Variants in CYRIB observed in about 807,000 individuals in gnomAD.
CYRIB encodes CYFIP related Rac1 interactor B, also known as CYFIP-related Rac1 interactor B.
A neutral mutation model predicts 44.2 loss-of-function variants in CYRIB; 8 were observed. The observed-to-expected ratio is 0.18, with a 90% CI of 0.11 to 0.33. CYRIB has a LOEUF of 0.33. Among genes scored for constraint, CYRIB ranks in the 10% least tolerant of loss-of-function variants. The pLI is 1.00. For synonymous variants in CYRIB, 131 were observed against 127.2 expected (o/e 1.03, Z -0.20); for missense variants, 185 against 382.8 (o/e 0.48, Z 4.31).
At chr8:130,003,658 A>T (rs1448193843) in intron 1 of CYRIB, among the ~76,000 whole-genome samples, 1 of 152,234 alleles carries the variant, frequency 6.6e-6, no homozygotes, top group Non-Finnish European at 1.5e-5. Context: ...TTTGGGGATG[A>T]TCAGGGAAAA....
chr8:129,932,104 T>C (rs565518640), intron 1 of CYRIB, among the ~76,000 whole-genome samples: 1 of 151,430 alleles, frequency 6.6e-6, no homozygotes. Flanking sequence ...GTTCAAGCGA[T>C]TCTCCTGCCT....
rs376451055 is a variant in CYRIB, at chr8:129,901,969, C to T, written c.-11+1343G>A. Among the ~76,000 whole-genome samples the T allele has an allele frequency of 7.9e-5, 12 of 152,270 alleles. No individual in the cohort carries two copies. In the East Asian group the frequency reaches 1.2e-3, roughly 15 times the overall value. ...ATTTGTTAATGGCTTTTCAATGTAA[C>T]GTTTCCTTCTTAATCCTATGTAGTT... On this transcript the variant is annotated intron_variant, in intron 2 of 11. Transcript: ENST00000519824.
chr8:129,889,131 T>A (rs879443475), intron 2 of CYRIB, among the ~76,000 whole-genome samples: 2 of 152,078 alleles, frequency 1.3e-5, no homozygotes, highest in Non-Finnish European at 2.9e-5. Context: ...TTAAGAATTA[T>A]ACTACATCCA....
rs150457627 is a variant in CYRIB, at chr8:129,921,695, G to T, written c.-50+17913C>A. Among the ~76,000 whole-genome samples the T allele has an allele frequency of 3.4e-3, 516 of 152,262 alleles. 2 individuals are homozygous for T. The highest frequency in any genetic ancestry group is 0.012 in the African/African-American group (482 of 41,530). On this transcript the variant is annotated intron_variant, in intron 1 of 11. Transcript: ENST00000519824. ...ATGTGACAGACATTATATGCCTGAT[G>T]ATGTAATGCAATGGGATGTATTCAA...
At chr8:129,895,029 C>G (rs2067254615) in intron 2 of CYRIB, among the ~76,000 whole-genome samples, 1 of 148,692 alleles carries the variant, frequency 6.7e-6, no homozygotes, top group Admixed American at 6.8e-5. Context: ...CCTCAACCAC[C>G]CTGGCTCAAT....
chr8:129,978,309 A>C (rs1227547916), intron 1 of CYRIB, among the ~76,000 whole-genome samples: 17 of 152,214 alleles, frequency 1.1e-4, no homozygotes, highest in Non-Finnish European at 1.5e-5. Context: ...TTTTCATTTA[A>C]TATTCGATCA....
At chr8:129,871,113 A>T (rs763517203) in intron 4 of CYRIB, among the ~76,000 whole-genome samples, 15 of 152,188 alleles carry the variant, frequency 9.9e-5, no homozygotes, top group Admixed American at 6.5e-5. Flanking sequence ...GCACCACATA[A>T]ATACTGCAAA....
At chr8:129,954,296 C>A (rs1321793239) in intron 2 of CYRIB, among the ~76,000 whole-genome samples, 1 of 152,102 alleles carries the variant, frequency 6.6e-6, no homozygotes, top group Non-Finnish European at 1.5e-5. Flanking sequence ...CATCTTAGCT[C>A]ACTGCAACTT....
At chr8:129,843,263 G>A (rs1401364033) in intron 11 of CYRIB, among the ~76,000 whole-genome samples, 1 of 152,238 alleles carries the variant, frequency 6.6e-6, no homozygotes, top group African/African-American at 2.4e-5. Flanking sequence ...TAAGGAGTTT[G>A]GAGATTATTT....
At chr8:129,930,365 T>TATATATATATA (rs2090532178) in intron 1 of CYRIB, among the ~76,000 whole-genome samples, 10 of 50,436 alleles carry the variant, frequency 2.0e-4, no homozygotes, top group African/African-American at 3.5e-4. Context: ...TGTGAAGTGC[T>TATATATATATA]TATATATATA....
chr8:129,913,116 C>T (rs544823754), intron 1 of CYRIB, among the ~76,000 whole-genome samples: 50 of 151,954 alleles, frequency 3.3e-4, no homozygotes, highest in Middle Eastern at 3.4e-3. Context: ...GGACTACAGG[C>T]GCCGGCCACC....
At chr8:129,843,197 TA>T (rs2037540804) in intron 11 of CYRIB, among the ~76,000 whole-genome samples, 2 of 152,158 alleles carry the variant, frequency 1.3e-5, no homozygotes, top group Admixed American at 1.3e-4. Context: ...AAGAAGAGGC[TA>T]CATACAGAGA....
At chr8:129,870,176 A>T (rs1280390658) in intron 4 of CYRIB, among the ~76,000 whole-genome samples, 1 of 152,092 alleles carries the variant, frequency 6.6e-6, no homozygotes, top group Non-Finnish European at 1.5e-5. Flanking sequence ...TGGGAGGCCA[A>T]AGCAGGTTGG....
At chr8:129,852,951 A>G (rs778480549) in intron 7 of CYRIB, among the ~76,000 whole-genome samples, 37 of 152,336 alleles carry the variant, frequency 2.4e-4, no homozygotes, top group Non-Finnish European at 2.2e-4. Context: ...TCAGTTTCCT[A>G]AAGAAAATTA....
At chr8:129,901,087 G>A (rs2135647395) in intron 2 of CYRIB, among the ~76,000 whole-genome samples, 1 of 152,326 alleles carries the variant, frequency 6.6e-6, no homozygotes, top group East Asian at 1.9e-4. Context: ...ACTACAGCCT[G>A]GGACTACAGG....
At chr8:130,004,761 A>ATTTTTT (rs775327457) in intron 1 of CYRIB, among the ~76,000 whole-genome samples, 11 of 123,870 alleles carry the variant, frequency 8.9e-5, no homozygotes, top group East Asian at 2.3e-4. Context: ...ATTGTCAGGA[A>ATTTTTT]TTTTTTTTTT....
At chr8:129,922,226 T>A (rs1294294162) in intron 1 of CYRIB, among the ~76,000 whole-genome samples, 1 of 152,234 alleles carries the variant, frequency 6.6e-6, no homozygotes, top group Non-Finnish European at 1.5e-5. Context: ...AACAAATTCC[T>A]TTTATGTCCA....
intron 11 of CYRIB, among the ~76,000 whole-genome samples, chr8:129,842,464 G>A (rs181227905): frequency 2.6e-5 from 4 of 152,278 alleles, no homozygotes; most frequent in Non-Finnish European, 5.9e-5. Context: ...GACCTCTCAA[G>A]TAAACAATTA....
rs544350525 is a variant in CYRIB at position 129,955,433 on chromosome 8, C to A, written c.-243+15510G>T. Among the ~76,000 whole-genome samples, 31 of 152,182 alleles carry A rather than the reference C, an allele frequency of 2.0e-4. No individual in the cohort carries two copies. The South Asian group carries it at 6.2e-3, about 31-fold the overall frequency. ...CTTGCTGTTCCACCTCTGCTAGGAA[C>A]ACCTTCCACAACACTCCCACGTTTC... On this transcript the variant is annotated intron_variant, in intron 2 of 14. Transcript: ENST00000401979.
Sources: gnomAD v4.1 joint callset for allele counts (sites outside exome capture counted in the v4.1 genomes callset) on GRCh38, gnomAD v4.1.1 for gene constraint, MANE v1.5 for transcripts, NCBI Gene and HGNC (gene_info 2026-07-23, HGNC 2026-07-21) for gene names.